Variants in ZNF536 observed in about 807,000 individuals in gnomAD.
The protein encoded by ZNF536 is zinc finger protein 536.
A neutral mutation model predicts 84.5 loss-of-function variants in ZNF536; 13 were observed. The observed-to-expected ratio is 0.15, with a 90% CI of 0.10 to 0.24. ZNF536 has a LOEUF of 0.24. ZNF536 is among the 10% of genes least tolerant of loss of function. The probability of loss-of-function intolerance (pLI) is 1.00; values close to 1 mark genes in which losing one functional copy is unlikely to be tolerated. For synonymous variants in ZNF536, 811 were observed against 742.5 expected, an observed-to-expected ratio of 1.09 and a Z score of -1.50; for missense variants, 1,536 against 1,747.5, an observed-to-expected ratio of 0.88 and a Z score of 2.16.
At chr19:30,340,457 G>C (rs185433547) in intron 2 of ZNF536, among the ~76,000 whole-genome samples, 3 of 152,266 alleles carry the variant, frequency 2.0e-5, no homozygotes, top group Admixed American at 2.0e-4. Flanking sequence ...GCTTGGACTC[G>C]ATGCATAATC....
chr19:30,499,998 CA>C (rs1437103768), intron 2 of ZNF536, among the ~76,000 whole-genome samples: 2 of 152,188 alleles, frequency 1.3e-5, no homozygotes, highest in African/African-American at 4.8e-5. Context: ...GATCCAAAGC[CA>C]AGATAGCATT....
chr19:30,516,147 G>A (rs1031054384), intron 2 of ZNF536, among the ~76,000 whole-genome samples: 2 of 152,076 alleles, frequency 1.3e-5, no homozygotes, highest in Admixed American at 6.6e-5. Context: ...AGGGCAGAAG[G>A]GAAAATTGGG....
intron 2 of ZNF536, among the ~76,000 whole-genome samples, chr19:30,334,621 A>G (rs2047320274): frequency 6.6e-6 from 1 of 152,132 alleles, no homozygotes; most frequent in African/African-American, 2.4e-5. Flanking sequence ...AATATATCCA[A>G]ATACATAAGG....
intron 1 of ZNF536, among the ~76,000 whole-genome samples, chr19:30,414,406 T>C (rs1394256068): frequency 2.6e-5 from 4 of 152,198 alleles, no homozygotes; most frequent in Admixed American, 6.5e-5. Flanking sequence ...TTGCTATCGT[T>C]TTTATGTTGT....
At chr19:30,435,690 G>C (rs145230770) in intron 1 of ZNF536, among the ~76,000 whole-genome samples, 2 of 152,242 alleles carry the variant, frequency 1.3e-5, no homozygotes, top group East Asian at 3.9e-4. Flanking sequence ...ATGTGAACTT[G>C]TCTTCTTTCC....
chr19:30,347,613 A>G (rs73536908), intron 2 of ZNF536, among the ~76,000 whole-genome samples: 1,855 of 152,278 alleles, frequency 0.012, 41 homozygotes, highest in African/African-American at 0.043. Flanking sequence ...GCTCTGGTCC[A>G]GGGTCTGTGC....
chr19:30,472,978 G>A (rs998361983), intron 2 of ZNF536, among the ~76,000 whole-genome samples: 1 of 151,158 alleles, frequency 6.6e-6, no homozygotes, highest in Non-Finnish European at 1.5e-5. Context: ...GATCACCTGA[G>A]GTCAGGAGTT....
chr19:30,237,511 C>T (rs942856960), intron 1 of ZNF536, among the ~76,000 whole-genome samples: 1 of 152,178 alleles, frequency 6.6e-6, no homozygotes, highest in African/African-American at 2.4e-5. Flanking sequence ...TGATCTTCAT[C>T]TCAAAGGTAG....
In ZNF536 at chr19:30,444,922, G is replaced by C. The variant is rs1568436915; in HGVS notation, c.1360G>C (p.Gly454Arg). The change falls in exon 2 of 5, where the codon GGC becomes CGC. Residue 454 changes from glycine (G) to arginine (R), a missense_variant. Gly to Arg is a moderately radical substitution (Grantham distance 125). Around this residue, in one of 8 missense-constraint regions of ZNF536, gnomAD observed 366 missense variants for 364.4 expected, o/e 1.00. Coordinates refer to ENST00000355537, the MANE Select transcript of ZNF536 (RefSeq NM_014717.3). ...CCTGAGCGAGCCCAGCCAGCTCTAT[G>C]GCAAGGGCGAGCTGCCCATGAAGGA... ...AGLSEPSQLY[G>R]KGELPMKEKE... 6.2e-7 allele frequency: 1 copy of C among 1,611,296 alleles called. No homozygotes were observed. Among genetic ancestry groups the C allele is most frequent in the Non-Finnish European group, 8.5e-7 (1 of 1,178,986 alleles).
rs1489989017 is a variant in ZNF536 at position 30,444,329 on chromosome 19, C to A, written c.767C>A (p.Pro256His). The A allele has an allele frequency of 6.3e-7, 1 of 1,592,348 alleles. No homozygotes were observed. Among genetic ancestry groups the A allele is most frequent in the East Asian group, 2.3e-5 (1 of 44,442 alleles). ...GTTCCCGACGTGGCCCACCCGGTGC[C>A]CTCGCCCAAGCCTGCCAGCGTGCAG... The part of the protein sequence containing the change: ...HSVPDVAHPV[P>H]SPKPASVQED... Residue 256 changes from proline to histidine, a missense_variant, in exon 2 of 5, where the codon CCC becomes CAC. By Grantham distance (77) the Pro-to-His change is moderately conservative. Around this residue, in one of 8 missense-constraint regions of ZNF536, gnomAD observed 138 missense variants for 136.8 expected, o/e 1.01. Coordinates refer to ENST00000355537, the MANE Select transcript of ZNF536 (RefSeq NM_014717.3).
At position 30,549,093 on chromosome 19, in the gene ZNF536, T is replaced by A. The variant is rs2146237200; in HGVS notation, c.3474T>A (p.Thr1158=). The A allele has an allele frequency of 1.9e-6, 3 of 1,614,130 alleles. No individual in the cohort carries two copies. The highest frequency in any genetic ancestry group is 2.5e-6 in the Non-Finnish European group (3 of 1,180,028). The change falls in exon 4 of 5, where the codon ACT becomes ACA. Residue 1158 remains threonine (T), a synonymous_variant. Coordinates refer to ENST00000355537, the MANE Select transcript of ZNF536 (RefSeq NM_014717.3). The stretch of plus-strand genomic sequence containing the variant: ...CCGAAACCACGAGTAAGAACACTAC[T>A]GATGACCTCTCTGACATTGCCTCCT... ...LIPETTSKNT[T]DDLSDIASSE... is the part of the protein sequence containing the mutation.
chr19:30,271,775 C>T (rs1423896682), intron 1 of ZNF536, among the ~76,000 whole-genome samples: 3 of 152,106 alleles, frequency 2.0e-5, no homozygotes, highest in Admixed American at 6.6e-5. Flanking sequence ...GAGGTGGAAA[C>T]GGTTGGAAGA....
At chr19:30,250,410 G>C (rs533430435) in intron 1 of ZNF536, among the ~76,000 whole-genome samples, 1 of 152,302 alleles carries the variant, frequency 6.6e-6, no homozygotes, top group East Asian at 1.9e-4. Context: ...TGAGCTCTTG[G>C]GGCAATGAGC....
At position 30,621,967 on chromosome 19, in the gene ZNF536, G is replaced by A. The variant is rs79792923; in HGVS notation, c.169+72453G>A. Among the ~76,000 whole-genome samples, 23 of 152,276 alleles carry A rather than the reference G, an allele frequency of 1.5e-4. No individual in the cohort carries two copies. The East Asian group carries it at 4.1e-3, about 27-fold the overall frequency. On this transcript the variant is annotated intron_variant, in intron 1 of 1. Transcript: ENST00000592773. The stretch of plus-strand genomic sequence containing the variant: ...GTGCAGTGCCCTTCAATTCATATCC[G>A]CACTCCTCAAAACAGAAGATTAAAA...
chr19:30,583,922 G>T (rs1358152708), intron 1 of ZNF536, among the ~76,000 whole-genome samples: 1 of 152,182 alleles, frequency 6.6e-6, no homozygotes, highest in Non-Finnish European at 1.5e-5. Flanking sequence ...GATCTTGGGA[G>T]TATTAGCTGG....
chr19:30,309,816 T>C (rs138549606), intron 2 of ZNF536, among the ~76,000 whole-genome samples: 1 of 152,322 alleles, frequency 6.6e-6, no homozygotes, highest in African/African-American at 2.4e-5. Context: ...TCTGCATCCC[T>C]GTCGCAGGGT....
chr19:30,691,463 G>A (rs1415947791), intron 1 of ZNF536, among the ~76,000 whole-genome samples: 2 of 151,752 alleles, frequency 1.3e-5, no homozygotes, highest in African/African-American at 4.8e-5. Flanking sequence ...AATACCAAAA[G>A]GACATCAAAG....
At chr19:30,630,785 C>T (rs1403025851) in intron 1 of ZNF536, among the ~76,000 whole-genome samples, 1 of 152,218 alleles carries the variant, frequency 6.6e-6, no homozygotes, top group Non-Finnish European at 1.5e-5. Context: ...TAGGTGAGGC[C>T]AGGCTGGTGC....
At chr19:30,397,804 G>T (rs1382021507) in intron 1 of ZNF536, among the ~76,000 whole-genome samples, 1 of 152,140 alleles carries the variant, frequency 6.6e-6, no homozygotes, top group Non-Finnish European at 1.5e-5. Flanking sequence ...ATCCCTACAA[G>T]AAAGTAACCA....
Sources: allele counts gnomAD v4.1 joint callset (sites outside exome capture counted in the v4.1 genomes callset), GRCh38; gene constraint gnomAD v4.1.1; regional missense constraint gnomAD v4.1.1; transcripts MANE v1.5; gene names NCBI Gene and HGNC (gene_info 2026-07-23, HGNC 2026-07-21).